The following RMDN2 variants were observed in gnomAD, a reference collection of about 807,000 sequenced individuals.
The protein encoded by RMDN2 is regulator of microtubule dynamics 2, also known as regulator of microtubule dynamics protein 2.
Under a neutral mutation model 52.8 loss-of-function variants are expected in RMDN2, and 61 were observed. That is an observed-to-expected ratio of 1.16 (90% CI 0.94 to 1.43). RMDN2 has a LOEUF of 1.43. Among genes scored for constraint, RMDN2 ranks in the 40% most tolerant of loss-of-function variants. The pLI is 0.00. For missense variants in RMDN2, 592 were observed against 475.3 expected (o/e 1.25, Z -2.28); for synonymous variants, 180 against 153.1 (o/e 1.18, Z -1.30).
At chr2:38,011,062 G>A (rs528843239) in intron 10 of RMDN2, among the ~76,000 whole-genome samples, 47 of 152,130 alleles carry the variant, frequency 3.1e-4, no homozygotes, top group African/African-American at 3.6e-4. Flanking sequence ...GCATAATTCC[G>A]GGGAGCTGGA....
intron 10 of RMDN2, chr2:38,027,412 T>C (rs1281716045): frequency 6.6e-6 from 1 of 152,238 alleles, no homozygotes; most frequent in Non-Finnish European, 1.5e-5. Context: ...TTTTGAAAGT[T>C]GTAACTTTGT....
intron 2 of RMDN2, among the ~76,000 whole-genome samples, chr2:37,957,702 G>T (rs1002445757): frequency 2.6e-5 from 4 of 152,122 alleles, no homozygotes; most frequent in Non-Finnish European, 5.9e-5. Context: ...TGGTGTTTTA[G>T]TCATGAAGTT....
chr2:37,974,929 A>AT, intron 3 of RMDN2: 1 of 305,824 alleles, frequency 3.3e-6, no homozygotes, highest in Middle Eastern at 9.4e-4. Flanking sequence ...GAATTTCTAG[A>AT]TTTTGGTGCC....
chr2:38,000,147 G>T (rs1224880027), intron 8 of RMDN2, among the ~76,000 whole-genome samples: 1 of 152,130 alleles, frequency 6.6e-6, no homozygotes, highest in Non-Finnish European at 1.5e-5. Flanking sequence ...ACACCTGTAG[G>T]AGTCATCTGT....
intron 2 of RMDN2, among the ~76,000 whole-genome samples, chr2:37,967,278 T>C (rs1671184155): frequency 6.6e-6 from 1 of 152,212 alleles, no homozygotes; most frequent in African/African-American, 2.4e-5. Flanking sequence ...TTCCATTGAA[T>C]GGGTGCTAAA....
At chr2:37,958,302 G>A (rs1241550261) in intron 2 of RMDN2, among the ~76,000 whole-genome samples, 5 of 152,082 alleles carry the variant, frequency 3.3e-5, no homozygotes, top group African/African-American at 1.2e-4. Flanking sequence ...CCATTTGTTT[G>A]TATACTCTCT....
Position 38,004,047 on chromosome 2 carries a change from A to G in RMDN2, c.1098+3A>G, listed in dbSNP as rs756752815. ...CCAATTACATGTACTTAGCAAAGGT[A>G]ATGAAGACCACTGTTCTGCTTTAAG... On this transcript the variant is annotated splice_donor_region_variant and intron_variant, in intron 9 of 10. Transcript: ENST00000354545. 2 of 1,611,898 alleles carry G rather than the reference A, an allele frequency of 1.2e-6. No individual in the cohort carries two copies. The highest frequency in any genetic ancestry group is 1.7e-6 in the Non-Finnish European group (2 of 1,178,104).
At chr2:38,057,717 A>G (rs1558593835) in intron 10 of RMDN2, among the ~76,000 whole-genome samples, 1 of 152,142 alleles carries the variant, frequency 6.6e-6, no homozygotes, top group Admixed American at 6.5e-5. Flanking sequence ...ATGGTTCAGT[A>G]CCATCCCCCT....
At position 37,960,316 on chromosome 2, in the gene RMDN2, C is replaced by G. The variant is rs767921312; in HGVS notation, c.453-13724C>G. Among the ~76,000 whole-genome samples, 41 of 145,338 alleles carry G rather than the reference C, an allele frequency of 2.8e-4. 1 individual carries two copies. Among genetic ancestry groups the G allele is most frequent in the Non-Finnish European group, 7.4e-5 (5 of 67,268 alleles). On this transcript the variant is annotated intron_variant, in intron 2 of 10. Coordinates refer to ENST00000354545, the MANE Select transcript of RMDN2 (RefSeq NM_001170791.3). ...GTCTCTAAGACCTTGCTTTATGAAT[C>G]TGGGTGCTCCTGTATTGGGTGTATA...
At chr2:37,968,466 G>C (rs1486263928) in intron 2 of RMDN2, among the ~76,000 whole-genome samples, 2 of 145,480 alleles carry the variant, frequency 1.4e-5, no homozygotes, top group Non-Finnish European at 3.0e-5. Context: ...AAAAAAGAAA[G>C]TCTGTTGTTG....
intron 10 of RMDN2, 61 bp from the exon 11 acceptor site, chr2:38,017,125 C>T: frequency 9.3e-7 from 1 of 1,073,922 alleles, no homozygotes; most frequent in Non-Finnish European, 1.3e-6. Context: ...TCTGTTTCAG[C>T]ATGCTAGAGT....
intron 10 of RMDN2, among the ~76,000 whole-genome samples, chr2:38,011,072 A>T (rs1433403387): frequency 6.6e-6 from 1 of 152,280 alleles, no homozygotes; most frequent in East Asian, 1.9e-4. Flanking sequence ...GGGGAGCTGG[A>T]GATTAACTAT....
At chr2:38,047,491 G>A (rs940629242) in intron 10 of RMDN2, among the ~76,000 whole-genome samples, 1 of 152,192 alleles carries the variant, frequency 6.6e-6, no homozygotes, top group African/African-American at 2.4e-5. Context: ...CTAACATTAT[G>A]CTAAGTGAAA....
intron 2 of RMDN2, among the ~76,000 whole-genome samples, chr2:37,938,247 A>G (rs899318821): frequency 1.3e-5 from 2 of 152,206 alleles, no homozygotes; most frequent in Admixed American, 6.5e-5. Flanking sequence ...GATGAAGGCA[A>G]CTTGATCATG....
chr2:38,009,849 C>A (rs888891088), intron 10 of RMDN2, among the ~76,000 whole-genome samples: 1 of 151,980 alleles, frequency 6.6e-6, no homozygotes. Context: ...TTTTTTTCTA[C>A]CTTTGGTCTT....
At chr2:38,014,681 C>G (rs764794046) in intron 10 of RMDN2, among the ~76,000 whole-genome samples, 15 of 152,112 alleles carry the variant, frequency 9.9e-5, no homozygotes, top group Non-Finnish European at 1.6e-4. Context: ...TTTTCCAACA[C>G]TATCAGATGA....
At chr2:37,968,841 T>G (rs569899013) in intron 2 of RMDN2, among the ~76,000 whole-genome samples, 2 of 152,306 alleles carry the variant, frequency 1.3e-5, no homozygotes, top group Non-Finnish European at 2.9e-5. Flanking sequence ...TGAAATGCCT[T>G]TGGGAGGAGG....
intron 10 of RMDN2, among the ~76,000 whole-genome samples, chr2:38,010,270 T>C (rs910085963): frequency 6.6e-6 from 1 of 152,242 alleles, no homozygotes; most frequent in Admixed American, 6.5e-5. Flanking sequence ...CTGCAGAGGA[T>C]TCTGCTGCCT....
chr2:38,062,275 T>C (rs1682084746), intron 10 of RMDN2, among the ~76,000 whole-genome samples: 1 of 152,248 alleles, frequency 6.6e-6, no homozygotes, highest in Non-Finnish European at 1.5e-5. Flanking sequence ...CTCTTCATCA[T>C]GACACTTTTG....
Sources: allele counts gnomAD v4.1 joint callset (sites outside exome capture counted in the v4.1 genomes callset), GRCh38; gene constraint gnomAD v4.1.1; transcripts MANE v1.5; gene names NCBI Gene and HGNC (gene_info 2026-07-23, HGNC 2026-07-21).